SPATA16: variants seen among roughly 807,000 people sequenced by gnomAD.
SPATA16 encodes spermatogenesis associated 16, also known as spermatogenesis-associated protein 16.
In SPATA16, 36 loss-of-function variants were observed where a neutral mutation model predicts 63.3. The observed-to-expected ratio is 0.57, with a 90% confidence interval of 0.44 to 0.75. SPATA16 has a LOEUF of 0.75. SPATA16 is among the 30% of genes least tolerant of loss of function. The pLI is 0.00. For missense variants in SPATA16, 646 were observed against 679.3 expected (o/e 0.95, Z 0.54); for synonymous variants, 203 against 216.7 (o/e 0.94, Z 0.56).
At chr3:173,070,783 T>C (rs1310366706) in intron 2 of SPATA16, among the ~76,000 whole-genome samples, 5 of 152,106 alleles carry the variant, frequency 3.3e-5, no homozygotes, top group African/African-American at 1.2e-4. Context: ...CAATGAAAAC[T>C]ATAAAACATT....
intron 2 of SPATA16, among the ~76,000 whole-genome samples, chr3:173,102,621 C>T (rs1214821045): frequency 1.3e-5 from 2 of 152,170 alleles, no homozygotes; most frequent in Non-Finnish European, 2.9e-5. Flanking sequence ...TTGAGGGATC[C>T]ACTTCCAGTA....
chr3:173,129,663 TATAC>T (rs1738318476), intron 1 of SPATA16, among the ~76,000 whole-genome samples: 2 of 152,090 alleles, frequency 1.3e-5, no homozygotes, highest in African/African-American at 4.8e-5. Flanking sequence ...TGAAACTGTT[TATAC>T]ATAAACACAC....
intron 2 of SPATA16, among the ~76,000 whole-genome samples, chr3:173,064,682 C>G (rs1225438893): frequency 6.6e-6 from 1 of 152,122 alleles, no homozygotes; most frequent in Non-Finnish European, 1.5e-5. Context: ...ATGTTCTTCT[C>G]ATGGAAAATG....
intron 7 of SPATA16, among the ~76,000 whole-genome samples, 173 bp from the exon 8 acceptor site, chr3:172,924,490 G>A (rs1386606607): frequency 6.6e-6 from 1 of 152,156 alleles, no homozygotes; most frequent in Non-Finnish European, 1.5e-5. Flanking sequence ...TCTATGGGGA[G>A]AAAGGCAGAG....
At chr3:173,031,248 A>T (rs1378928078) in intron 3 of SPATA16, among the ~76,000 whole-genome samples, 2 of 152,068 alleles carry the variant, frequency 1.3e-5, no homozygotes, top group Non-Finnish European at 2.9e-5. Flanking sequence ...ACCACAGTTA[A>T]AACGACAACA....
chr3:172,953,521 G>T (rs1178547865), intron 6 of SPATA16, among the ~76,000 whole-genome samples: 2 of 152,152 alleles, frequency 1.3e-5, no homozygotes, highest in African/African-American at 2.4e-5. Flanking sequence ...GTACGGTAAG[G>T]GTGGTTGGAG....
At chr3:173,001,862 T>G (rs1734836231) in intron 4 of SPATA16, among the ~76,000 whole-genome samples, 1 of 152,190 alleles carries the variant, frequency 6.6e-6, no homozygotes, top group African/African-American at 2.4e-5. Flanking sequence ...GAGTAATGAC[T>G]TCTAAGCTCC....
chr3:172,899,390 C>T (rs1448480422), intron 10 of SPATA16, among the ~76,000 whole-genome samples: 4 of 151,976 alleles, frequency 2.6e-5, no homozygotes, highest in Admixed American at 6.6e-5. Context: ...TCATATCCCT[C>T]CCTGTCTCTG....
At chr3:172,950,826 A>G (rs948093029) in intron 6 of SPATA16, among the ~76,000 whole-genome samples, 1 of 152,110 alleles carries the variant, frequency 6.6e-6, no homozygotes, top group Non-Finnish European at 1.5e-5. Context: ...CTATCCACCT[A>G]AGTGTTAAAG....
At chr3:173,059,159 T>G (rs146036047) in intron 2 of SPATA16, among the ~76,000 whole-genome samples, 99 of 152,228 alleles carry the variant, frequency 6.5e-4, no homozygotes, top group African/African-American at 2.2e-3. Context: ...ATTTCTTAAC[T>G]AGAATTGCGG....
At chr3:173,014,203 C>T (rs1266868563) in intron 4 of SPATA16, among the ~76,000 whole-genome samples, 1 of 152,150 alleles carries the variant, frequency 6.6e-6, no homozygotes, top group African/African-American at 2.4e-5. Flanking sequence ...CACCAGTGGA[C>T]TGGATAAAGA....
chr3:172,930,643 C>T (rs1446871499), intron 6 of SPATA16, among the ~76,000 whole-genome samples: 1 of 150,340 alleles, frequency 6.7e-6, no homozygotes, highest in Admixed American at 6.6e-5. Flanking sequence ...CCTGCAAGCT[C>T]CACCTCCTGG....
chr3:172,901,365 AATTTTTGT>A (rs1480726334), intron 10 of SPATA16, among the ~76,000 whole-genome samples: 3 of 151,882 alleles, frequency 2.0e-5, no homozygotes, highest in Admixed American at 6.6e-5. Context: ...ATGCCTTGCT[AATTTTTGT>A]ATTTTTAGTA....
intron 1 of SPATA16, among the ~76,000 whole-genome samples, chr3:173,132,063 A>C (rs1258070405): frequency 7.3e-6 from 1 of 136,104 alleles, no homozygotes; most frequent in Non-Finnish European, 1.6e-5. Context: ...TCTAATTACT[A>C]TATTTATGAC....
intron 2 of SPATA16, among the ~76,000 whole-genome samples, chr3:173,112,303 A>G (rs1441610429): frequency 6.6e-6 from 1 of 152,206 alleles, no homozygotes; most frequent in Non-Finnish European, 1.5e-5. Context: ...TTGGAGGGCA[A>G]AATCACAGAG....
At chr3:172,961,130 CT>C in intron 5 of SPATA16, among the ~76,000 whole-genome samples, 1 of 133,572 alleles carries the variant, frequency 7.5e-6, no homozygotes, top group Admixed American at 8.4e-5. Context: ...TCCTTCCTTT[CT>C]CTTTCTTGTG....
intron 5 of SPATA16, among the ~76,000 whole-genome samples, chr3:172,960,503 A>G (rs555494450): frequency 6.6e-6 from 1 of 152,330 alleles, no homozygotes; most frequent in South Asian, 2.1e-4. Context: ...TACATAAGCC[A>G]AGAGTGTAAG....
At chr3:172,976,917 C>T (rs1450916650) in intron 5 of SPATA16, 51 bp downstream of exon 5, 1 of 1,458,204 alleles carries the variant, frequency 6.9e-7, no homozygotes, top group South Asian at 1.1e-5. Context: ...TTCATTTTGG[C>T]TCTAAAAATG....
intron 3 of SPATA16, among the ~76,000 whole-genome samples, chr3:173,027,671 G>T (rs940540506): frequency 1.2e-4 from 18 of 151,626 alleles, no homozygotes; most frequent in African/African-American, 4.4e-4. Context: ...AGTGTTTTCT[G>T]CTTCTTGTCT....
Sources: gnomAD v4.1 joint callset for allele counts (sites outside exome capture counted in the v4.1 genomes callset) on GRCh38, gnomAD v4.1.1 for gene constraint, MANE v1.5 for transcripts, NCBI Gene and HGNC (gene_info 2026-07-23, HGNC 2026-07-21) for gene names.